Variants in CRTAM observed in about 807,000 individuals in gnomAD.
CRTAM encodes cytotoxic and regulatory T-cell molecule.
A neutral mutation model predicts 50.0 loss-of-function variants in CRTAM; 44 were observed. The observed-to-expected ratio is 0.88, with a 90% CI of 0.69 to 1.13. The LOEUF (loss-of-function observed/expected upper bound fraction) is 1.13, where lower values mean the gene tolerates loss of function less well. CRTAM is among the 50% of genes most tolerant of loss of function. The pLI, the probability that CRTAM is intolerant of heterozygous loss-of-function variation, is 0.00. For synonymous variants in CRTAM, 159 were observed against 169.3 expected, an observed-to-expected ratio of 0.94 and a Z score of 0.47; for missense variants, 448 against 457.5, an observed-to-expected ratio of 0.98 and a Z score of 0.19.
chr11:122,867,882 G>A (rs1862199856), intron 8 of CRTAM, 131 bp from the exon 9 acceptor site: 1 of 646,624 alleles, frequency 1.5e-6, no homozygotes, highest in Non-Finnish European at 2.7e-6. Context: ...TTGAATTAAT[G>A]AGGTATGAGT....
intron 5 of CRTAM, among the ~76,000 whole-genome samples, chr11:122,857,577 G>C (rs1862022801): frequency 6.6e-6 from 1 of 152,252 alleles, no homozygotes; most frequent in African/African-American, 2.4e-5. Context: ...AGCATCAGCT[G>C]TTGATAGCTT....
intron 1 of CRTAM, among the ~76,000 whole-genome samples, chr11:122,841,003 G>A (rs1300491735): frequency 1.3e-5 from 2 of 152,060 alleles, no homozygotes; most frequent in Non-Finnish European, 2.9e-5. Context: ...GTGGAGGGTA[G>A]GATGCAGAAA....
chr11:122,864,178 G>A (rs930440291), intron 6 of CRTAM, among the ~76,000 whole-genome samples: 12 of 152,146 alleles, frequency 7.9e-5, no homozygotes, highest in African/African-American at 2.7e-4. Flanking sequence ...GTGTTCAGTT[G>A]TTATCTTGAA....
intron 3 of CRTAM, among the ~76,000 whole-genome samples, chr11:122,852,742 G>C (rs1056806412): frequency 6.6e-6 from 1 of 152,130 alleles, no homozygotes; most frequent in African/African-American, 2.4e-5. Context: ...AACACCCCAT[G>C]TATACTCTGT....
chr11:122,866,286 A>G (rs1382459867), intron 7 of CRTAM, among the ~76,000 whole-genome samples: 1 of 152,102 alleles, frequency 6.6e-6, no homozygotes, highest in Non-Finnish European at 1.5e-5. Flanking sequence ...CTCCCTCTTC[A>G]AGGCCAATAT....
At chr11:122,853,916 A>G (rs1418557636) in intron 3 of CRTAM, 27 bp from the exon 4 acceptor site, 1 of 1,610,758 alleles carries the variant, frequency 6.2e-7, no homozygotes, top group South Asian at 1.1e-5. Context: ...ATATCTAATT[A>G]ACACAGAAAA....
intron 7 of CRTAM, 38 bp from the exon 8 acceptor site, chr11:122,867,371 C>A (rs1050793617): frequency 5.4e-6 from 8 of 1,482,888 alleles, no homozygotes; most frequent in Admixed American, 2.1e-5. Context: ...AAAAAAAAAA[C>A]CCAAAGTATC....
chr11:122,863,361 AAG>A (rs1862124074), intron 6 of CRTAM, among the ~76,000 whole-genome samples: 1 of 151,722 alleles, frequency 6.6e-6, no homozygotes, highest in African/African-American at 2.4e-5. Flanking sequence ...AAAAGAAAGA[AAG>A]AAAGAAAAAG....
Position 122,864,688 on chromosome 11 carries a change from A to T in CRTAM, c.786A>T (p.Glu262Asp), listed in dbSNP as rs140737929. The part of the protein sequence containing the change: ...STSEIDKEEK[E>D]QTTQDPDLTT... ...CGGAGATTGACAAGGAAGAGAAAGA[A>T]CAAACCACTCAAGATCCTGACTTGA... Residue 262 changes from glutamate to aspartate, a missense_variant, in exon 7 of 10, where the codon GAA (glutamate) becomes GAT (aspartate). Physicochemically the swap from Glu to Asp is conservative, Grantham distance 45 (BLOSUM62 2). Coordinates refer to ENST00000227348, the MANE Select transcript of CRTAM (RefSeq NM_019604.4). 607 of 1,613,816 alleles carry T rather than the reference A, an allele frequency of 3.8e-4. 1 individual carries two copies. Among genetic ancestry groups the T allele is most frequent in the Non-Finnish European group, 4.7e-4 (552 of 1,179,832 alleles).
intron 5 of CRTAM, among the ~76,000 whole-genome samples, chr11:122,860,894 G>A (rs927969423): frequency 6.6e-6 from 1 of 152,086 alleles, no homozygotes; most frequent in African/African-American, 2.4e-5. Context: ...ATGGGGTCTT[G>A]CCATGTTGCC....
chr11:122,863,351 A>AAGAAAGAAAGAAAGAAAGAAAGAAAG (rs1244147699), intron 6 of CRTAM, among the ~76,000 whole-genome samples: 42 of 60,712 alleles, frequency 6.9e-4, no homozygotes, highest in African/African-American at 1.7e-3. Flanking sequence ...GAAAGAAAGA[A>AAGAAAGAAAGAAAGAAAGAAAGAAAG]AAAGAAAGAA....
chr11:122,840,604 C>A (rs1206794235), intron 1 of CRTAM, among the ~76,000 whole-genome samples: 1 of 152,192 alleles, frequency 6.6e-6, no homozygotes, highest in Non-Finnish European at 1.5e-5. Context: ...GCTGCCACCC[C>A]TGACCTAACC....
intron 5 of CRTAM, among the ~76,000 whole-genome samples, chr11:122,856,632 T>C (rs1862011268): frequency 1.3e-5 from 2 of 152,240 alleles, no homozygotes; most frequent in Non-Finnish European, 2.9e-5. Context: ...AGGAAACTGT[T>C]GGATGACAAT....
chr11:122,855,999 G>T, intron 5 of CRTAM, 143 bp downstream of exon 5: 1 of 636,078 alleles, frequency 1.6e-6, no homozygotes, highest in South Asian at 2.5e-5. Context: ...TTCCTGTACT[G>T]ATTGAAATTT....
rs1175371250 is a variant in CRTAM, at chr11:122,871,769, T to A, written c.*370T>A. On this transcript the variant is annotated 3_prime_UTR_variant, in exon 10 of 10. Transcript: ENST00000227348. Reference sequence around the variant, plus strand: ...AACTGTTTAAAAAATTTTTTTTTCTTTTTAATATTTTCTTCTGGTCACAAA... The same window carrying A: ...AACTGTTTAAAAAATTTTTTTTTCTATTTAATATTTTCTTCTGGTCACAAA... 6.5e-6 allele frequency: 1 copy of A among 153,614 alleles called. No homozygotes were observed. Among genetic ancestry groups the A allele is most frequent in the Non-Finnish European group, 1.4e-5 (1 of 68,998 alleles). 9.5% of individuals were successfully genotyped at this position (153,614 alleles called of 1,614,324 possible).
chr11:122,852,905 G>A (rs966250841), intron 3 of CRTAM, among the ~76,000 whole-genome samples: 1 of 152,152 alleles, frequency 6.6e-6, no homozygotes, highest in Non-Finnish European at 1.5e-5. Context: ...CCTTTATAAG[G>A]TCTTGATGGC....
At chr11:122,851,412 T>C (rs1861927350) in intron 2 of CRTAM, among the ~76,000 whole-genome samples, 1 of 152,198 alleles carries the variant, frequency 6.6e-6, no homozygotes, top group African/African-American at 2.4e-5. Flanking sequence ...TAAATAGAGA[T>C]AATTCTGTTA....
intron 4 of CRTAM, among the ~76,000 whole-genome samples, chr11:122,855,452 C>G (rs1463901898): frequency 1.3e-5 from 2 of 152,102 alleles, no homozygotes; most frequent in African/African-American, 4.8e-5. Flanking sequence ...CAACATCAAG[C>G]TGTCCTTCTT....
chr11:122,844,238 A>T (rs1861834543), intron 1 of CRTAM, among the ~76,000 whole-genome samples: 1 of 152,198 alleles, frequency 6.6e-6, no homozygotes, highest in African/African-American at 2.4e-5. Flanking sequence ...GGGTTAAATT[A>T]TACTATTTAA....
Sources: gnomAD v4.1 joint callset for allele counts (sites outside exome capture counted in the v4.1 genomes callset) on GRCh38, gnomAD v4.1.1 for gene constraint, MANE v1.5 for transcripts, NCBI Gene and HGNC (gene_info 2026-07-23, HGNC 2026-07-21) for gene names.